ATP6V0A4: variants seen among roughly 807,000 people sequenced by gnomAD.
ATP6V0A4 encodes ATPase H+ transporting V0 subunit a4.
A neutral mutation model predicts 107.3 loss-of-function variants in ATP6V0A4; 86 were observed. That is an observed-to-expected ratio of 0.80 (90% CI 0.67 to 0.96). ATP6V0A4 has a LOEUF of 0.96. Among genes scored for constraint, ATP6V0A4 ranks in the 40% least tolerant of loss-of-function variants. ATP6V0A4 has a pLI of 0.00. For missense variants in ATP6V0A4, 908 were observed against 1,045.6 expected (o/e 0.87, Z 1.81); for synonymous variants, 353 against 381.4 (o/e 0.93, Z 0.87).
intron 20 of ATP6V0A4, among the ~76,000 whole-genome samples, chr7:138,714,733 G>A (rs1021052170): frequency 7.9e-5 from 12 of 152,176 alleles, no homozygotes; most frequent in African/African-American, 1.4e-4. Flanking sequence ...CATAACCAAG[G>A]CAGGCGTTCT....
chr7:138,771,892 A>AT (rs34996921), intron 2 of ATP6V0A4, among the ~76,000 whole-genome samples: 79,454 of 146,760 alleles, frequency 0.54, 22,193 homozygotes, highest in Middle Eastern at 0.65. Flanking sequence ...AAGTGCTGGG[A>AT]TTACAGGCAT....
intron 15 of ATP6V0A4, among the ~76,000 whole-genome samples, chr7:138,738,376 G>A (rs1423183446): frequency 1.3e-5 from 2 of 152,152 alleles, no homozygotes; most frequent in Non-Finnish European, 1.5e-5. Context: ...TGAATTAACT[G>A]TGGGCTGTGG....
At chr7:138,786,648 C>A (rs1160360233) in intron 1 of ATP6V0A4, among the ~76,000 whole-genome samples, 1 of 151,700 alleles carries the variant, frequency 6.6e-6, no homozygotes, top group Admixed American at 6.6e-5. Flanking sequence ...TTACCTATAG[C>A]CTAAGGAGAG....
At chr7:138,787,197 G>T (rs1263185217) in intron 1 of ATP6V0A4, among the ~76,000 whole-genome samples, 1 of 152,160 alleles carries the variant, frequency 6.6e-6, no homozygotes, top group Non-Finnish European at 1.5e-5. Flanking sequence ...TTTCTCACAG[G>T]ACTTAACACC....
chr7:138,795,195 C>T (rs1808600554), intron 1 of ATP6V0A4, among the ~76,000 whole-genome samples: 1 of 152,180 alleles, frequency 6.6e-6, no homozygotes, highest in Non-Finnish European at 1.5e-5. Context: ...AGCCACCGTG[C>T]CTGGCCCAGC....
chr7:138,737,871 C>T (rs1584913035), intron 15 of ATP6V0A4, among the ~76,000 whole-genome samples: 2 of 151,636 alleles, frequency 1.3e-5, no homozygotes, highest in South Asian at 2.1e-4. Context: ...AAGCAATTCT[C>T]CTGCCTCAGC....
intron 14 of ATP6V0A4, among the ~76,000 whole-genome samples, chr7:138,741,167 A>T (rs113421119): frequency 5.3e-5 from 8 of 152,260 alleles, no homozygotes; most frequent in South Asian, 2.1e-4. Context: ...AAATTAAATT[A>T]AAAAATAATG....
chr7:138,773,012 C>T lies in ATP6V0A4; in HGVS notation c.-17-1748G>A, dbSNP rs1807473115. On this transcript the variant is annotated intron_variant, in intron 2 of 21. Coordinates refer to ENST00000310018, the MANE Select transcript of ATP6V0A4 (RefSeq NM_020632.3). The surrounding 1 kb of genome is among the most constrained non-coding windows in gnomAD (Gnocchi z 5.4). ...CTATTCCCAAAGATCCTCCCGACGG[C>T]CCTACTGCTGCCAAATCACACTTTT... Among the ~76,000 whole-genome samples, 1 of 152,114 alleles carries T rather than the reference C, an allele frequency of 6.6e-6. No homozygotes were observed. Among genetic ancestry groups the T allele is most frequent in the Admixed American group, 6.5e-5 (1 of 15,276 alleles).
At position 138,732,866 on chromosome 7, in the gene ATP6V0A4, A is replaced by T. The variant is rs1230502564; in HGVS notation, c.1908+11T>A. 12 of 1,569,332 alleles carry T rather than the reference A, an allele frequency of 7.6e-6. No homozygotes were observed. Among genetic ancestry groups the T allele is most frequent in the South Asian group, 1.2e-5 (1 of 84,616 alleles). ...AAAAGAAGAGTAAAAAAAAAAAAAT[A>T]GCAGAAATACCTGATGTTTGTAGAG... On this transcript the variant is annotated intron_variant, in intron 17 of 21. Transcript: ENST00000310018.
At chr7:138,759,938 G>A in intron 7 of ATP6V0A4, 60 bp from the exon 8 acceptor site, 5 of 1,612,158 alleles carry the variant, frequency 3.1e-6, no homozygotes, top group Non-Finnish European at 4.2e-6. Context: ...CAGAGAGAAG[G>A]CCCTGTAGGA....
chr7:138,784,277 T>C (rs1406260317), intron 2 of ATP6V0A4, among the ~76,000 whole-genome samples: 367 of 35,448 alleles, frequency 0.01, 6 homozygotes, highest in African/African-American at 0.033. Context: ...CATATATATA[T>C]ATACATATAT....
At chr7:138,750,206 G>A (rs1806153808) in intron 11 of ATP6V0A4, among the ~76,000 whole-genome samples, 1 of 151,966 alleles carries the variant, frequency 6.6e-6, no homozygotes, top group Non-Finnish European at 1.5e-5. Context: ...CATGGAAACT[G>A]GCCATGTCTA....
intron 11 of ATP6V0A4, 53 bp from the exon 12 acceptor site, chr7:138,749,370 G>C (rs998159431): frequency 6.3e-7 from 1 of 1,593,996 alleles, no homozygotes; most frequent in Non-Finnish European, 8.5e-7. Context: ...TCTTGGGCTG[G>C]GTGTCAGCAC....
At chr7:138,748,399 A>T (rs1019649102) in intron 12 of ATP6V0A4, among the ~76,000 whole-genome samples, 1 of 151,804 alleles carries the variant, frequency 6.6e-6, no homozygotes. Flanking sequence ...CTATCCTTTC[A>T]TTTTATTTTA....
intron 2 of ATP6V0A4, among the ~76,000 whole-genome samples, chr7:138,784,243 T>TAC (rs1187818298): frequency 1.2e-4 from 4 of 33,554 alleles, no homozygotes; most frequent in African/African-American, 4.8e-4. Flanking sequence ...TACGTATATA[T>TAC]ATATATATAC....
chr7:138,769,028 C>T (rs536060542), intron 4 of ATP6V0A4, 145 bp downstream of exon 4: 1 of 1,566,114 alleles, frequency 6.4e-7, no homozygotes, highest in East Asian at 2.3e-5. Flanking sequence ...CCCAACCTCC[C>T]CCATTCCCTC....
rs141343158 is a variant in ATP6V0A4 at position 138,783,752 on chromosome 7, C to G, written c.-18+2406G>C. On this transcript the variant is annotated intron_variant, in intron 2 of 21. Transcript: ENST00000310018. ...AAAAAAATAACTTTTAAAATGGGAA[C>G]TCCTACTTTTTCTTACCCATGATGT... 1.2e-3 allele frequency among the ~76,000 whole-genome samples: 185 copies of G among 152,210 alleles called. 2 individuals are homozygous for G. Among genetic ancestry groups the G allele is most frequent in the African/African-American group, 4.2e-3 (173 of 41,542 alleles).
chr7:138,750,188 C>G (rs776892572), intron 11 of ATP6V0A4, among the ~76,000 whole-genome samples: 13 of 152,164 alleles, frequency 8.5e-5, no homozygotes, highest in African/African-American at 2.9e-4. Flanking sequence ...CCCTTCCCCA[C>G]GCTTCCCCAT....
intron 2 of ATP6V0A4, among the ~76,000 whole-genome samples, chr7:138,781,837 C>CT (rs1563019430): frequency 1.5e-5 from 1 of 67,298 alleles, no homozygotes; most frequent in African/African-American, 7.1e-5. Flanking sequence ...CTCTGTCTCT[C>CT]TCTCTCTTTT....
Sources: allele counts gnomAD v4.1 joint callset (sites outside exome capture counted in the v4.1 genomes callset), GRCh38; gene constraint gnomAD v4.1.1; non-coding constraint Gnocchi (gnomAD v3.1); transcripts MANE v1.5; gene names NCBI Gene and HGNC (gene_info 2026-07-23, HGNC 2026-07-21).